Variants in B4GALT6 observed in about 807,000 individuals in gnomAD.
The protein encoded by B4GALT6 is UDP-Gal:beta-GlcNAc beta-1,4-galactosyltransferase 6.
Under a neutral mutation model 46.3 loss-of-function variants are expected in B4GALT6, and 14 were observed. That is an observed-to-expected ratio of 0.30 (90% CI 0.20 to 0.47). B4GALT6 has a LOEUF of 0.47. Ranked by LOEUF, B4GALT6 falls within the 20% of genes least tolerant of loss-of-function variation. The probability of loss-of-function intolerance (pLI) is 0.99; values close to 1 mark genes in which losing one functional copy is unlikely to be tolerated. For synonymous variants in B4GALT6, 168 were observed against 162.0 expected (o/e 1.04, Z -0.28); for missense variants, 386 against 480.1 (o/e 0.80, Z 1.83).
At chr18:31,675,367 C>A in intron 1 of B4GALT6, among the ~76,000 whole-genome samples, 1 of 152,200 alleles carries the variant, frequency 6.6e-6, no homozygotes, top group South Asian at 2.1e-4. Context: ...GGCCATCTGG[C>A]TTCCTCTGTA....
rs75302225 is a variant in B4GALT6, at chr18:31,652,411, T to C, written c.346+5565A>G. On this transcript the variant is annotated intron_variant, in intron 3 of 8. Transcript: ENST00000306851. Reference sequence around the variant, plus strand: ...AGCAGTCTTGTCTCTCTGGGATGTGTTCCTGCCTCGCCCCCCAGACACCAC... The same window carrying C: ...AGCAGTCTTGTCTCTCTGGGATGTGCTCCTGCCTCGCCCCCCAGACACCAC... Among the ~76,000 whole-genome samples, 906 of 152,162 alleles carry C rather than the reference T, an allele frequency of 6.0e-3. 12 individuals are homozygous for C. Among genetic ancestry groups the C allele is most frequent in the African/African-American group, 0.021 (868 of 41,516 alleles).
intron 2 of B4GALT6, among the ~76,000 whole-genome samples, chr18:31,660,320 A>G (rs976121003): frequency 3.9e-5 from 6 of 152,054 alleles, no homozygotes; most frequent in African/African-American, 1.4e-4. Flanking sequence ...TTGTTTTTAA[A>G]AAAAGGGCTT....
intron 3 of B4GALT6, among the ~76,000 whole-genome samples, chr18:31,655,092 G>A (rs1257231720): frequency 2.0e-5 from 3 of 152,144 alleles, no homozygotes; most frequent in African/African-American, 7.2e-5. Context: ...TCTGCAGATG[G>A]TATTGGAATC....
At chr18:31,678,793 CA>C (rs1218900821) in intron 1 of B4GALT6, among the ~76,000 whole-genome samples, 1 of 152,180 alleles carries the variant, frequency 6.6e-6, no homozygotes, top group Admixed American at 6.5e-5. Context: ...CTTCTATGCC[CA>C]AGTTTCCCCT....
chr18:31,711,953 C>T, the B4GALT6 span, among the ~76,000 whole-genome samples: 13 of 152,208 alleles, frequency 8.5e-5, no homozygotes, highest in African/African-American at 2.4e-4. Flanking sequence ...TTCTCTCCTG[C>T]CTCTCCCCAA....
At chr18:31,721,663 G>A in the B4GALT6 span, among the ~76,000 whole-genome samples, 2 of 152,198 alleles carry the variant, frequency 1.3e-5, no homozygotes, top group Non-Finnish European at 2.9e-5. Flanking sequence ...AAAGACGAAG[G>A]TTTCCCAGAG....
the B4GALT6 span, among the ~76,000 whole-genome samples, chr18:31,719,429 G>C: frequency 6.6e-6 from 1 of 152,298 alleles, no homozygotes; most frequent in African/African-American, 2.4e-5. Flanking sequence ...AAATATGAAG[G>C]AAGCTTGGGG....
chr18:31,712,721 C>T, the B4GALT6 span, among the ~76,000 whole-genome samples: 1 of 152,172 alleles, frequency 6.6e-6, no homozygotes, highest in Non-Finnish European at 1.5e-5. Flanking sequence ...CATTTACATC[C>T]ACTGCCCTAT....
At chr18:31,722,096 C>T in the B4GALT6 span, among the ~76,000 whole-genome samples, 3 of 152,168 alleles carry the variant, frequency 2.0e-5, no homozygotes, top group East Asian at 1.9e-4. Flanking sequence ...TAATTAAATG[C>T]CCTTTACTGA....
chr18:31,676,647 C>A (rs1488728920), intron 1 of B4GALT6, among the ~76,000 whole-genome samples: 1 of 152,102 alleles, frequency 6.6e-6, no homozygotes, highest in Non-Finnish European at 1.5e-5. Flanking sequence ...ATGTTATAAA[C>A]AAGTTAATCA....
intron 3 of B4GALT6, among the ~76,000 whole-genome samples, chr18:31,647,118 A>C (rs2074000410): frequency 6.6e-6 from 1 of 152,264 alleles, no homozygotes; most frequent in East Asian, 1.9e-4. Flanking sequence ...GTAATCAAAT[A>C]AAATTTACAC....
At chr18:31,706,297 G>T in the B4GALT6 span, among the ~76,000 whole-genome samples, 1 of 151,982 alleles carries the variant, frequency 6.6e-6, no homozygotes, top group African/African-American at 2.4e-5. Context: ...ATAATATATA[G>T]ATGTATTTAT....
intron 1 of B4GALT6, among the ~76,000 whole-genome samples, chr18:31,672,157 T>C (rs537883997): frequency 6.6e-5 from 10 of 152,360 alleles, no homozygotes; most frequent in Admixed American, 4.6e-4. Context: ...TTTCCTGGGC[T>C]TTGCAGGACA....
At position 31,684,399 on chromosome 18, in the gene B4GALT6, C is replaced by A; in HGVS notation, c.28G>T (p.Val10Phe). MSVLRRMMR[V>F]SNRSLLAFIF... ...AAGGCGAGGAGAGAGCGATTGGAAACCCGCATCATCCGCCTGAGCACAGAC... is the reference window on the plus strand; with the variant it reads ...AAGGCGAGGAGAGAGCGATTGGAAAACCGCATCATCCGCCTGAGCACAGAC... Residue 10 changes from valine (V) to phenylalanine (F), a missense_variant, in exon 1 of 9, where the codon GTT becomes TTT. Physicochemically the swap from Val to Phe is conservative, Grantham distance 50. Around this residue, in one of 2 missense-constraint regions of B4GALT6, gnomAD observed 63 missense variants for 41.3 expected, o/e 1.53. Transcript: ENST00000306851. 6.2e-7 allele frequency: 1 copy of A among 1,613,838 alleles called. No individual in the cohort carries two copies. Among genetic ancestry groups the A allele is most frequent in the Non-Finnish European group, 8.5e-7 (1 of 1,179,880 alleles).
At chr18:31,666,742 C>T (rs1415417844) in intron 1 of B4GALT6, among the ~76,000 whole-genome samples, 2 of 152,044 alleles carry the variant, frequency 1.3e-5, no homozygotes, top group Non-Finnish European at 2.9e-5. Flanking sequence ...TTCAGTTTCT[C>T]TAATTATATA....
At chr18:31,691,095 A>G in the B4GALT6 span, among the ~76,000 whole-genome samples, 3 of 152,020 alleles carry the variant, frequency 2.0e-5, no homozygotes, top group Non-Finnish European at 2.9e-5. Context: ...ACCATGGCAC[A>G]TGAATACCTA....
At chr18:31,665,788 T>G (rs2074275582) in intron 2 of B4GALT6, among the ~76,000 whole-genome samples, 1 of 152,144 alleles carries the variant, frequency 6.6e-6, no homozygotes, top group Non-Finnish European at 1.5e-5. Context: ...CAATTTCCAA[T>G]TTTATAAAAT....
At chr18:31,688,247 G>GTATATATATATACATA (rs11274054), upstream of B4GALT6, among the ~76,000 whole-genome samples, 396 of 106,494 alleles carry the variant, frequency 3.7e-3, 2 homozygotes, top group African/African-American at 0.018. Flanking sequence ...ATAATTGAGT[G>GTATATATATATACATA]TATATATATA....
At chr18:31,677,637 C>T (rs1374903237) in intron 1 of B4GALT6, among the ~76,000 whole-genome samples, 1 of 152,194 alleles carries the variant, frequency 6.6e-6, no homozygotes, top group African/African-American at 2.4e-5. Context: ...GTATATTATT[C>T]TCTTTATTAT....
Sources: gnomAD v4.1 joint callset for allele counts (sites outside exome capture counted in the v4.1 genomes callset) on GRCh38, gnomAD v4.1.1 for gene constraint, gnomAD v4.1.1 regional missense constraint, MANE v1.5 for transcripts, NCBI Gene and HGNC (gene_info 2026-07-23, HGNC 2026-07-21) for gene names.